The following RIC3 variants were observed in gnomAD, a reference collection of about 807,000 sequenced individuals.
RIC3 encodes the protein protein RIC-3.
A neutral mutation model predicts 27.3 loss-of-function variants in RIC3; 28 were observed. The ratio of observed to expected loss-of-function variants is 1.02; its 90% CI spans 0.76 to 1.41. The LOEUF is 1.41. Among genes scored for constraint, RIC3 ranks in the 40% most tolerant of loss-of-function variants. The pLI, the probability that RIC3 is intolerant of heterozygous loss-of-function variation, is 0.00. For synonymous variants in RIC3, 184 were observed against 160.4 expected (o/e 1.15, Z -1.11); for missense variants, 501 against 444.7 (o/e 1.13, Z -1.14).
the RIC3 span, chr11:8,095,604 G>A: frequency 5.6e-6 from 9 of 1,612,518 alleles, no homozygotes; most frequent in Middle Eastern, 1.6e-4. Flanking sequence ...CAGGGGAGAC[G>A]GCAGCTGGTG....
intron 1 of RIC3, among the ~76,000 whole-genome samples, chr11:8,152,803 T>C (rs1004761027): frequency 6.6e-6 from 1 of 152,166 alleles, no homozygotes; most frequent in Non-Finnish European, 1.5e-5. Flanking sequence ...TTTGATACTC[T>C]CATATGCTTC....
chr11:8,112,590 C>T (rs538256493), intron 5 of RIC3, among the ~76,000 whole-genome samples: 21 of 152,268 alleles, frequency 1.4e-4, no homozygotes, highest in African/African-American at 4.1e-4. Flanking sequence ...CCACCGCGCC[C>T]GGCCAACATG....
intron 1 of RIC3, among the ~76,000 whole-genome samples, chr11:8,149,229 T>TA (rs199509934): frequency 0.014 from 2,015 of 149,118 alleles, 55 homozygotes; most frequent in African/African-American, 0.045. Context: ...TAAAAAATAA[T>TA]AAAAAAAACA....
At chr11:8,116,144 C>T (rs1411182298) in intron 5 of RIC3, among the ~76,000 whole-genome samples, 4 of 152,114 alleles carry the variant, frequency 2.6e-5, no homozygotes, top group African/African-American at 9.7e-5. Context: ...AAAACACACA[C>T]ACACACAGGT....
rs944080565 is a variant in RIC3 at position 8,153,057 on chromosome 11, C to T, written c.125-12864G>A. ...TTAAAGAAGTTAATTGATAAGGAAA[C>T]CTGTATTAGAATTAAGGTTATTGAT... On this transcript the variant is annotated intron_variant, in intron 1 of 5. Transcript: ENST00000309737. 4.6e-5 allele frequency among the ~76,000 whole-genome samples: 7 copies of T among 151,968 alleles called. No homozygotes were observed. The East Asian group carries it at 1.4e-3, about 29-fold the overall frequency.
chr11:8,137,246 A>G lies in RIC3; in HGVS notation c.521+132T>C, dbSNP rs935696819. 7.1e-6 allele frequency: 5 copies of G among 707,340 alleles called. No individual in the cohort carries two copies. In the East Asian group the frequency reaches 1.2e-4, roughly 18 times the overall value. 43.8% of individuals were successfully genotyped at this position (707,340 alleles called of 1,614,324 possible). ...ATCATGTTGGTCAGGATGGTCTCAA[A>G]CTCCTGACCTCAGATGATCCACCCA... On this transcript the variant is annotated intron_variant, in intron 4 of 5. Coordinates refer to ENST00000309737, the MANE Select transcript of RIC3 (RefSeq NM_001206671.4).
At chr11:8,097,922 GC>G in the RIC3 span, 1 of 893,132 alleles carries the variant, frequency 1.1e-6, no homozygotes, top group Non-Finnish European at 1.8e-6. Flanking sequence ...GGAGATCTAG[GC>G]CAGGGATGGA....
In RIC3 at chr11:8,107,829, G is replaced by A. The variant is rs922018257; in HGVS notation, c.*2869C>T. 1 of 152,166 alleles carries A rather than the reference G, an allele frequency of 6.6e-6. No homozygotes were observed. The highest frequency in any genetic ancestry group is 1.5e-5 in the Non-Finnish European group (1 of 68,024). The allele number at this position is 152,166 out of a possible 1,614,324, so 9.4% of individuals were successfully genotyped here. A position where few individuals can be genotyped will look rare whatever the true frequency, so the allele number is the denominator to read the frequency against. ...AACTGTCCATAAAGGTATGACTTGT[G>A]TACTCTGCCACAGTGCCAAAAGGCC... On this transcript the variant is annotated 3_prime_UTR_variant, in exon 6 of 6. Coordinates refer to ENST00000309737, the MANE Select transcript of RIC3 (RefSeq NM_001206671.4).
At chr11:8,099,048 C>G in the RIC3 span, among the ~76,000 whole-genome samples, 2 of 152,108 alleles carry the variant, frequency 1.3e-5, no homozygotes, top group Non-Finnish European at 2.9e-5. Flanking sequence ...GCTCTCTCCT[C>G]CTGACTTCAG....
intron 1 of RIC3, among the ~76,000 whole-genome samples, chr11:8,167,516 A>T (rs1419777180): frequency 2.6e-5 from 4 of 152,058 alleles, no homozygotes; most frequent in Admixed American, 2.6e-4. Context: ...GAATACCAAC[A>T]CTTGAGTTCT....
the RIC3 span, among the ~76,000 whole-genome samples, chr11:8,094,396 C>T: frequency 6.6e-6 from 1 of 152,128 alleles, no homozygotes; most frequent in Non-Finnish European, 1.5e-5. Context: ...TGTGGGCATG[C>T]CTACCACACT....
chr11:8,101,203 G>A (rs946367105), downstream of RIC3, among the ~76,000 whole-genome samples: 3 of 152,312 alleles, frequency 2.0e-5, no homozygotes, highest in East Asian at 3.9e-4. Context: ...TAGATTCTGT[G>A]TATTCAACGG....
At chr11:8,151,776 C>T (rs1303311118) in intron 1 of RIC3, among the ~76,000 whole-genome samples, 2 of 151,006 alleles carry the variant, frequency 1.3e-5, no homozygotes, top group Admixed American at 1.3e-4. Context: ...ATTACATGGG[C>T]GTGGTGGTGC....
chr11:8,117,470 G>A (rs1001900162), intron 5 of RIC3, among the ~76,000 whole-genome samples: 7 of 152,138 alleles, frequency 4.6e-5, no homozygotes, highest in African/African-American at 9.7e-5. Context: ...CAGATACAGC[G>A]TGATTTCACT....
intron 1 of RIC3, among the ~76,000 whole-genome samples, chr11:8,163,249 C>T (rs1461656398): frequency 6.6e-6 from 1 of 151,922 alleles, no homozygotes; most frequent in African/African-American, 2.4e-5. Flanking sequence ...AATACCCCTT[C>T]ATAATGAAAA....
intron 5 of RIC3, among the ~76,000 whole-genome samples, chr11:8,118,066 A>T (rs924079639): frequency 6.6e-6 from 1 of 151,412 alleles, no homozygotes. Context: ...ACTAAAAATT[A>T]AAAAAAATTA....
chr11:8,106,905 CAG>C lies in RIC3; in HGVS notation c.*3791_*3792del, dbSNP rs974882553. ...GACATCTCAGCAACACTGGACTTGACAGAGTGGTGACAGGGATCATGCTGTCA... is the reference window on the plus strand; with the variant it reads ...GACATCTCAGCAACACTGGACTTGACAGTGGTGACAGGGATCATGCTGTCA... On this transcript the variant is annotated 3_prime_UTR_variant, in exon 6 of 6. Transcript: ENST00000309737. 2 of 152,220 alleles carry C rather than the reference CAG, an allele frequency of 1.3e-5. No homozygotes were observed. The highest frequency in any genetic ancestry group is 2.9e-5 in the Non-Finnish European group (2 of 68,050). The allele number at this position is 152,220 out of a possible 1,614,324, so 9.4% of individuals were successfully genotyped here. A position where few individuals can be genotyped will look rare whatever the true frequency, so the allele number is the denominator to read the frequency against.
chr11:8,165,772 T>G (rs557572926), intron 1 of RIC3, among the ~76,000 whole-genome samples: 87 of 115,902 alleles, frequency 7.5e-4, no homozygotes, highest in South Asian at 3.5e-3. Context: ...TGGGGTTTTT[T>G]TTTTGTTTTG....
intron 1 of RIC3, among the ~76,000 whole-genome samples, chr11:8,151,759 CA>C (rs1308547206): frequency 3.3e-5 from 5 of 150,512 alleles, no homozygotes; most frequent in African/African-American, 4.9e-5. Context: ...ACTAAAAATA[CA>C]AAAAAATTAC....
Sources: gnomAD v4.1 joint callset for allele counts (sites outside exome capture counted in the v4.1 genomes callset) on GRCh38, gnomAD v4.1.1 for gene constraint, MANE v1.5 for transcripts, NCBI Gene and HGNC (gene_info 2026-07-23, HGNC 2026-07-21) for gene names.